Variants in ZSCAN4 observed in about 807,000 individuals in gnomAD.
ZSCAN4 encodes zinc finger and SCAN domain containing 4.
ZSCAN4 carries 18 observed loss-of-function variants against 18.3 expected under a neutral mutation model. That is an observed-to-expected ratio of 0.98 (90% CI 0.68 to 1.46). The LOEUF (loss-of-function observed/expected upper bound fraction) is 1.46. Among genes scored for constraint, ZSCAN4 ranks in the 40% most tolerant of loss-of-function variants. The pLI is 0.00. For synonymous variants in ZSCAN4, 193 were observed against 180.3 expected (o/e 1.07, Z -0.57); for missense variants, 498 against 511.4 (o/e 0.97, Z 0.25).
At chr19:57,670,710 TAC>T in intron 2 of ZSCAN4, 143 bp downstream of exon 2, 1 of 152,322 alleles carries the variant, frequency 6.6e-6, no homozygotes, top group East Asian at 1.9e-4. Context: ...AATTCCTAAC[TAC>T]AGAGATATGG....
the ZSCAN4 span, among the ~76,000 whole-genome samples, chr19:57,655,956 C>T: frequency 3.3e-5 from 5 of 152,072 alleles, no homozygotes; most frequent in Non-Finnish European, 5.9e-5. Context: ...CACCTCCTAA[C>T]AGGCAGAATT....
exon 3 of ZSCAN4, chr19:57,676,121 G>C: frequency 1.3e-6 from 2 of 1,575,444 alleles, no homozygotes; most frequent in Non-Finnish European, 1.7e-6. Context: ...TCAAAGTAAA[G>C]TCTCTCTGAG....
At chr19:57,661,001 A>G in the ZSCAN4 span, among the ~76,000 whole-genome samples, 1 of 152,200 alleles carries the variant, frequency 6.6e-6, no homozygotes, top group African/African-American at 2.4e-5. Flanking sequence ...TTTGGACTTT[A>G]GAGAAACTTT....
At chr19:57,665,504 T>A (rs556972581), upstream of ZSCAN4, among the ~76,000 whole-genome samples, 25 of 152,150 alleles carry the variant, frequency 1.6e-4, 1 homozygote, top group Admixed American at 8.5e-4. Flanking sequence ...CTTTTTTTTT[T>A]AAAGCTCATA....
exon 5 of ZSCAN4, chr19:57,678,338 A>T: frequency 4.3e-6 from 7 of 1,614,192 alleles, no homozygotes; most frequent in Non-Finnish European, 5.9e-6. Context: ...ACTCAAAAAG[A>T]GCAGAGCTAG....
the ZSCAN4 span, among the ~76,000 whole-genome samples, chr19:57,653,286 C>T: frequency 1.3e-5 from 2 of 151,136 alleles, no homozygotes; most frequent in Non-Finnish European, 2.9e-5. Flanking sequence ...ACTCAGGAGG[C>T]TGAGGCAGGA....
At chr19:57,668,000 C>T (rs1983905913), upstream of ZSCAN4, among the ~76,000 whole-genome samples, 1 of 152,022 alleles carries the variant, frequency 6.6e-6, no homozygotes, top group Non-Finnish European at 1.5e-5. Context: ...CTCCCAGGTT[C>T]AAGTGATTCT....
intron 1 of ZSCAN4, among the ~76,000 whole-genome samples, 154 bp downstream of exon 1, chr19:57,669,357 C>T (rs2122289651): frequency 6.6e-6 from 1 of 151,690 alleles, no homozygotes; most frequent in South Asian, 2.1e-4. Flanking sequence ...CCACACCCAG[C>T]CTGTCTTTAT....
exon 5 of ZSCAN4, chr19:57,678,187 G>T: frequency 1.9e-6 from 3 of 1,613,932 alleles, no homozygotes; most frequent in Non-Finnish European, 2.5e-6. Flanking sequence ...GAACAAGATG[G>T]CTGGAACAGT....
the ZSCAN4 span, among the ~76,000 whole-genome samples, chr19:57,663,520 TAAAAAAAAAAAAAAAAAAAA>T: frequency 1.5e-5 from 1 of 66,548 alleles, no homozygotes; most frequent in Non-Finnish European, 2.6e-5. Flanking sequence ...ACCATGTCTC[TAAAAAAAAAAAAAAAAAAAA>T]AAAAAAATTA....
the ZSCAN4 span, among the ~76,000 whole-genome samples, chr19:57,652,685 G>A: frequency 6.6e-6 from 1 of 151,622 alleles, no homozygotes; most frequent in Non-Finnish European, 1.5e-5. Context: ...ACACCCTCCC[G>A]CTGAAGGCCA....
At chr19:57,670,972 C>A (rs114283425) in intron 2 of ZSCAN4, among the ~76,000 whole-genome samples, 3,306 of 151,996 alleles carry the variant, frequency 0.022, 133 homozygotes, top group African/African-American at 0.076. Flanking sequence ...AGTGATCCTT[C>A]CACCTTAGCT....
chr19:57,661,120 C>A, the ZSCAN4 span, among the ~76,000 whole-genome samples: 1,373 of 152,152 alleles, frequency 9.0e-3, 14 homozygotes, highest in African/African-American at 0.03. Context: ...TTCATTGATC[C>A]CCTATATTTT....
Position 57,676,379 on chromosome 19 carries a change from C to G in ZSCAN4, c.234C>G (p.His78Gln), listed in dbSNP as rs755417318. The change falls in exon 3 of 5, where the codon CAC (histidine) becomes CAG (glutamine). Residue 78 changes from histidine to glutamine, a missense_variant. His to Gln is a conservative substitution (Grantham distance 24). Transcript: ENST00000318203. Reference sequence around the variant, plus strand: ...ACTCATGGCTGCAACCAGAAAAGCACAGCAAGGATGAAATTATTTCTCTAT... The same window carrying G: ...ACTCATGGCTGCAACCAGAAAAGCAGAGCAAGGATGAAATTATTTCTCTAT... The G allele has an allele frequency of 5.0e-6, 8 of 1,614,160 alleles. No individual in the cohort carries two copies. In the South Asian group the frequency reaches 8.8e-5, roughly 18 times the overall value.
exon 5 of ZSCAN4, chr19:57,678,657 A>G (rs148205624): frequency 5.4e-5 from 87 of 1,614,026 alleles, no homozygotes; most frequent in Non-Finnish European, 7.1e-5. Flanking sequence ...CTTCTTCCAG[A>G]TATCAGACCT....
chr19:57,663,700 CCT>C, the ZSCAN4 span, among the ~76,000 whole-genome samples: 1 of 94,986 alleles, frequency 1.1e-5, no homozygotes, highest in Non-Finnish European at 2.0e-5. Flanking sequence ...AGAGTGACAA[CCT>C]GTCTCAAAAA....
the ZSCAN4 span, among the ~76,000 whole-genome samples, chr19:57,661,222 T>TG: frequency 6.6e-6 from 1 of 152,230 alleles, no homozygotes; most frequent in African/African-American, 2.4e-5. Context: ...GAATACTCAC[T>TG]GGGACACACT....
At chr19:57,669,804 G>A (rs529013795) in intron 1 of ZSCAN4, among the ~76,000 whole-genome samples, 68 of 151,562 alleles carry the variant, frequency 4.5e-4, no homozygotes, top group African/African-American at 1.5e-3. Context: ...ATAATCCACT[G>A]TAGCCATGAA....
the ZSCAN4 span, among the ~76,000 whole-genome samples, chr19:57,662,328 AT>A: frequency 6.6e-5 from 10 of 151,678 alleles, no homozygotes; most frequent in African/African-American, 1.7e-4. Context: ...TATATGTTGT[AT>A]TTTTTTCTTT....
Sources: gnomAD v4.1 joint callset for allele counts (sites outside exome capture counted in the v4.1 genomes callset) on GRCh38, gnomAD v4.1.1 for gene constraint, MANE v1.5 for transcripts, NCBI Gene and HGNC (gene_info 2026-07-23, HGNC 2026-07-21) for gene names.